The following MRPL48 variants were observed in gnomAD, a reference collection of about 807,000 sequenced individuals.
MRPL48 encodes large ribosomal subunit protein mL48.
MRPL48 carries 16 observed loss-of-function variants against 32.9 expected under a neutral mutation model. That is an observed-to-expected ratio of 0.49 (90% CI 0.33 to 0.74). The LOEUF is 0.74. Among genes scored for constraint, MRPL48 ranks in the 30% least tolerant of loss-of-function variants. The pLI is 0.02. For missense variants in MRPL48, 206 were observed against 245.3 expected (o/e 0.84, Z 1.07); for synonymous variants, 94 against 89.2 (o/e 1.05, Z -0.31).
Position 73,863,178 on chromosome 11 carries a change from G to A in MRPL48, c.481G>A (p.Gly161Ser), listed in dbSNP as rs375332756. 1.8e-5 allele frequency: 28 copies of A among 1,581,578 alleles called. No homozygotes were observed. The highest frequency in any genetic ancestry group is 7.3e-5 in the Admixed American group (4 of 54,864). Residue 161 changes from glycine to serine, a missense_variant, in exon 7 of 8, where the codon GGT becomes AGT. Gly to Ser is a moderately conservative substitution (Grantham distance 56, BLOSUM62 0). Transcript: ENST00000310614. The stretch of plus-strand genomic sequence containing the variant: ...ACCTTCTTTCATTTTGCAGATCAGC[G>A]GTTTGAGTGCTACGTTTGCAGAAAT... ...TTHERVVQISGLSATFAEIFL... is the reference protein window; with the variant it reads ...TTHERVVQISSLSATFAEIFL...
chr11:73,788,752 A>G lies in MRPL48; in HGVS notation c.21+760A>G, dbSNP rs11607193. Among the ~76,000 whole-genome samples the G allele has an allele frequency of 2.6e-4, 39 of 152,218 alleles. 1 individual carries two copies. The highest frequency in any genetic ancestry group is 3.4e-3 in the Middle Eastern group (1 of 294). ...CTCCCAAAGTGCCGGGATTACAGGC[A>G]TGAGCCACCGCGCCCTGCAATAATT... On this transcript the variant is annotated intron_variant, in intron 1 of 7. Transcript: ENST00000310614.
chr11:73,846,220 A>AT (rs1948284987), intron 5 of MRPL48, among the ~76,000 whole-genome samples: 1 of 152,120 alleles, frequency 6.6e-6, no homozygotes, highest in African/African-American at 2.4e-5. Flanking sequence ...TGTAAGTGGA[A>AT]TCATATAGTA....
At chr11:73,823,615 G>T (rs1321677555) in intron 3 of MRPL48, among the ~76,000 whole-genome samples, 3 of 141,122 alleles carry the variant, frequency 2.1e-5, no homozygotes, top group Non-Finnish European at 3.1e-5. Flanking sequence ...GACCTGATCT[G>T]ATTTCAGTTT....
At chr11:73,834,261 T>A (rs542182153) in intron 4 of MRPL48, among the ~76,000 whole-genome samples, 1 of 152,312 alleles carries the variant, frequency 6.6e-6, no homozygotes, top group East Asian at 1.9e-4. Flanking sequence ...TTAGCTACCA[T>A]AATAGAGAGA....
intron 3 of MRPL48, among the ~76,000 whole-genome samples, 198 bp from the exon 4 acceptor site, chr11:73,825,510 A>C (rs1670559): frequency 0.51 from 77,526 of 151,200 alleles, 21,015 homozygotes; most frequent in African/African-American, 0.7. Flanking sequence ...TGCCTGTAGT[A>C]CTAGCTACTT....
chr11:73,831,287 G>C (rs1166901080), intron 4 of MRPL48, among the ~76,000 whole-genome samples: 1 of 152,136 alleles, frequency 6.6e-6, no homozygotes, highest in African/African-American at 2.4e-5. Flanking sequence ...CATGGGGCAT[G>C]ACAATAAATG....
chr11:73,788,472 C>CTTTTTTTTTTTT (rs11352308), intron 1 of MRPL48, among the ~76,000 whole-genome samples: 3 of 109,640 alleles, frequency 2.7e-5, no homozygotes, highest in African/African-American at 3.7e-5. Flanking sequence ...TCTTTTCTTT[C>CTTTTTTTTTTTT]TTTTTTTTTT....
At chr11:73,836,316 T>C (rs1187227510) in intron 4 of MRPL48, among the ~76,000 whole-genome samples, 2 of 152,084 alleles carry the variant, frequency 1.3e-5, no homozygotes, top group Admixed American at 6.6e-5. Context: ...CTGCCTCAGC[T>C]TCCCAAGTAG....
chr11:73,823,878 C>T lies in MRPL48; in HGVS notation c.113-1830C>T, dbSNP rs375871541. On this transcript the variant is annotated intron_variant, in intron 3 of 7. Transcript: ENST00000310614. The stretch of plus-strand genomic sequence containing the variant: ...AAGACCCCCCTTTTTTTTTTTGAGA[C>T]GGAGTCTGGGTCTGACACCCAGGCT... 3.9e-4 allele frequency among the ~76,000 whole-genome samples: 58 copies of T among 149,210 alleles called. 2 individuals carry two copies. The highest frequency in any genetic ancestry group is 2.7e-3 in the Admixed American group (41 of 15,056).
chr11:73,833,062 A>G (rs924031127), intron 4 of MRPL48, among the ~76,000 whole-genome samples: 2 of 152,188 alleles, frequency 1.3e-5, no homozygotes, highest in African/African-American at 2.4e-5. Context: ...TGGTAAATCC[A>G]TACAATTTTA....
chr11:73,829,796 G>A (rs1324540864), intron 4 of MRPL48, among the ~76,000 whole-genome samples: 5 of 151,154 alleles, frequency 3.3e-5, no homozygotes, highest in Admixed American at 1.3e-4. Flanking sequence ...ACAGGTTCTC[G>A]CTCTGTCACC....
intron 3 of MRPL48, among the ~76,000 whole-genome samples, chr11:73,816,239 T>A (rs1447670893): frequency 6.6e-6 from 1 of 150,448 alleles, no homozygotes; most frequent in Non-Finnish European, 1.5e-5. Flanking sequence ...TTTTTTGTAT[T>A]TTTAGTAGAG....
In MRPL48 at chr11:73,820,741, T is replaced by C. The variant is rs572403129; in HGVS notation, c.113-4967T>C. Among the ~76,000 whole-genome samples, 17 of 151,706 alleles carry C rather than the reference T, an allele frequency of 1.1e-4. No individual in the cohort carries two copies. The East Asian group carries it at 3.3e-3, about 29-fold the overall frequency. ...TATTTATTTGTTTTTGAGTGGATAA[T>C]ATATATATATACAAGGAACAGATTT... is the stretch of plus-strand genomic sequence containing the variant. On this transcript the variant is annotated intron_variant, in intron 3 of 7. Transcript: ENST00000310614.
At chr11:73,807,388 C>CT (rs34790215) in intron 2 of MRPL48, among the ~76,000 whole-genome samples, 75,459 of 147,332 alleles carry the variant, frequency 0.51, 20,276 homozygotes, top group African/African-American at 0.7. Context: ...CTTCCATCTT[C>CT]TTTTTTTTTT....
intron 7 of MRPL48, among the ~76,000 whole-genome samples, chr11:73,863,911 G>A (rs1948626185): frequency 6.6e-6 from 1 of 152,020 alleles, no homozygotes; most frequent in African/African-American, 2.4e-5. Context: ...ACAGATCTGG[G>A]GACAGAGACA....
At chr11:73,823,503 A>T (rs1248370100) in intron 3 of MRPL48, among the ~76,000 whole-genome samples, 1 of 152,198 alleles carries the variant, frequency 6.6e-6, no homozygotes, top group African/African-American at 2.4e-5. Context: ...AGAAAGAAAC[A>T]GGTGGGACTT....
chr11:73,854,529 C>T (rs775752733), intron 5 of MRPL48, among the ~76,000 whole-genome samples: 3 of 152,096 alleles, frequency 2.0e-5, no homozygotes, highest in South Asian at 2.1e-4. Context: ...TCAAGTGATC[C>T]GCCCGCCTTG....
chr11:73,789,365 T>A (rs976495038), intron 1 of MRPL48: 1 of 152,194 alleles, frequency 6.6e-6, no homozygotes, highest in African/African-American at 2.4e-5. Flanking sequence ...AAAGAGCCCA[T>A]GGAAATCTGT....
rs1792174 is a variant in MRPL48, at chr11:73,787,888, T to G, written c.-84T>G. 0.44 allele frequency: 677,123 copies of G among 1,531,148 alleles called. 154,897 individuals are homozygous for G. The highest frequency in any genetic ancestry group is 0.73 in the African/African-American group (52,627 of 71,970). 94.8% of individuals were successfully genotyped at this position (1,531,148 alleles called of 1,614,324 possible). A position where few individuals can be genotyped will look rare whatever the true frequency, so the allele number is the denominator to read the frequency against. ...TGCTGCACCTGGTCAAGGCCGTTCC[T>G]TCAGTGTTTTCAGACGCCCTGGGAA... is the stretch of plus-strand genomic sequence containing the variant. On this transcript the variant is annotated 5_prime_UTR_variant, in exon 1 of 8. Coordinates refer to ENST00000310614, the MANE Select transcript of MRPL48 (RefSeq NM_016055.6).
Sources: allele counts gnomAD v4.1 joint callset (sites outside exome capture counted in the v4.1 genomes callset), GRCh38; gene constraint gnomAD v4.1.1; transcripts MANE v1.5; gene names NCBI Gene and HGNC (gene_info 2026-07-23, HGNC 2026-07-21).